The following ZNF404 variants were observed in gnomAD, a reference collection of about 807,000 sequenced individuals.
ZNF404 encodes zinc finger protein 404.
Under a neutral mutation model 7.3 loss-of-function variants are expected in ZNF404, and 7 were observed. The ratio of observed to expected loss-of-function variants is 0.95; its 90% confidence interval spans 0.54 to 1.79. The LOEUF (loss-of-function observed/expected upper bound fraction) is 1.79. ZNF404 is among the 40% of genes most tolerant of loss of function. ZNF404 has a pLI of 0.00. For missense variants in ZNF404, 560 were observed against 661.5 expected, an observed-to-expected ratio of 0.85 and a Z score of 1.68; for synonymous variants, 191 against 209.9, an observed-to-expected ratio of 0.91 and a Z score of 0.78.
chr19:43,881,228 T>C (rs1971892765), intron 1 of ZNF404, among the ~76,000 whole-genome samples: 1 of 152,210 alleles, frequency 6.6e-6, no homozygotes, highest in Non-Finnish European at 1.5e-5. Flanking sequence ...CTAGCGGTTC[T>C]AGCCAGTGCA....
chr19:43,876,945 C>T (rs1283027429), intron 2 of ZNF404, among the ~76,000 whole-genome samples: 1 of 152,146 alleles, frequency 6.6e-6, no homozygotes, highest in Non-Finnish European at 1.5e-5. Context: ...GACAAAGAAA[C>T]TGTCACAGGT....
At chr19:43,879,557 A>G (rs1416230069) in intron 2 of ZNF404, among the ~76,000 whole-genome samples, 1 of 152,240 alleles carries the variant, frequency 6.6e-6, no homozygotes, top group Admixed American at 6.5e-5. Flanking sequence ...ACAGTAAAAA[A>G]GAGAATAATC....
chr19:43,873,626 A>G lies in ZNF404; in HGVS notation c.588T>C (p.Phe196=). 6.2e-7 allele frequency: 1 copy of G among 1,613,446 alleles called. No individual in the cohort carries two copies. Among genetic ancestry groups the G allele is most frequent in the Non-Finnish European group, 8.5e-7 (1 of 1,179,636 alleles). Residue 196 remains phenylalanine (F), a synonymous_variant, in exon 3 of 3, where the codon TTT becomes TTC. Coordinates refer to ENST00000587539, the MANE Select transcript of ZNF404 (RefSeq NM_001033719.3). ...PYECNGCEKA[F]RFYSQLIQHQ... is the part of the protein sequence containing the mutation. ...GCTGAATAAGCTGTGAATAAAACCT[A>G]AAGGCCTTCTCACATCCATTGCATT...
At chr19:43,875,273 T>C (rs560591282) in intron 2 of ZNF404, among the ~76,000 whole-genome samples, 1 of 152,298 alleles carries the variant, frequency 6.6e-6, no homozygotes, top group African/African-American at 2.4e-5. Flanking sequence ...GCATTAATTT[T>C]TACTGTAATG....
Position 43,873,545 on chromosome 19 carries a change from A to T in ZNF404, c.669T>A (p.Ala223=). ...CTGTAAGGTGAGAATGACGTCTAAA[A>T]GCCTTCCCGCATTGCTTACATTCAT... ...KPYECKQCGK[A]FRRHSHLTEH... The change falls in exon 3 of 3, where the codon GCT becomes GCA. Residue 223 remains alanine, a synonymous_variant. Coordinates refer to ENST00000587539, the MANE Select transcript of ZNF404 (RefSeq NM_001033719.3). 6.2e-7 allele frequency: 1 copy of T among 1,613,426 alleles called. No individual in the cohort carries two copies. Among genetic ancestry groups the T allele is most frequent in the Non-Finnish European group, 8.5e-7 (1 of 1,179,572 alleles).
Position 43,873,041 on chromosome 19 carries a change from A to T in ZNF404, c.1173T>A (p.Thr391=). 6.2e-7 allele frequency: 1 copy of T among 1,608,802 alleles called. No homozygotes were observed. Among genetic ancestry groups the T allele is most frequent in the Non-Finnish European group, 8.5e-7 (1 of 1,176,952 alleles). Residue 391 remains threonine, a synonymous_variant, in exon 3 of 3, where the codon ACT becomes ACA. Transcript: ENST00000587539. ...GAATAAGATATGAATGAAGCTTAAAAGTCTTCCCACATTCTTTACATTCAT... is the reference window on the plus strand; with the variant it reads ...GAATAAGATATGAATGAAGCTTAAATGTCTTCCCACATTCTTTACATTCAT... ...KPHECKECGK[T]FKLHSYLIQH...
At chr19:43,875,367 T>C (rs1971844609) in intron 2 of ZNF404, among the ~76,000 whole-genome samples, 1 of 152,202 alleles carries the variant, frequency 6.6e-6, no homozygotes, top group African/African-American at 2.4e-5. Context: ...ACATTTTCAA[T>C]CTGTTGTGTT....
intron 1 of ZNF404, among the ~76,000 whole-genome samples, chr19:43,880,661 T>C (rs1391441892): frequency 2.0e-5 from 3 of 152,002 alleles, no homozygotes; most frequent in Non-Finnish European, 2.9e-5. Context: ...ACAGAAAACA[T>C]TGCGCAATGA....
intron 2 of ZNF404, among the ~76,000 whole-genome samples, chr19:43,879,511 G>C (rs1239438208): frequency 6.6e-6 from 1 of 152,048 alleles, no homozygotes; most frequent in Non-Finnish European, 1.5e-5. Context: ...CAGATCACTG[G>C]AAGCCAACAG....
chr19:43,878,215 C>G (rs1422611058), intron 2 of ZNF404, among the ~76,000 whole-genome samples: 1 of 133,750 alleles, frequency 7.5e-6, no homozygotes, highest in Non-Finnish European at 1.6e-5. Context: ...TAAAAGTGTT[C>G]CTATTTCTCC....
chr19:43,880,750 G>C (rs1971888768), intron 1 of ZNF404, among the ~76,000 whole-genome samples: 2 of 152,160 alleles, frequency 1.3e-5, no homozygotes, highest in African/African-American at 4.8e-5. Context: ...TCTAGGCTGT[G>C]GCACAGGGAG....
chr19:43,872,537 T>C lies in ZNF404; in HGVS notation c.*18A>G. On this transcript the variant is annotated 3_prime_UTR_variant, in exon 3 of 3. Transcript: ENST00000587539. This position sits in a 1 kb window ranked among gnomAD's most constrained non-coding sequence, Gnocchi z 4.4. ...GACAACAGTAAAAATGTGCCATGGC[T>C]AAAGGCTTTCCCTCTCATTACATTA... The C allele has an allele frequency of 6.4e-7, 1 of 1,556,380 alleles. No individual in the cohort carries two copies. Among genetic ancestry groups the C allele is most frequent in the Non-Finnish European group, 8.7e-7 (1 of 1,151,548 alleles).
chr19:43,878,642 G>C (rs923400042), intron 2 of ZNF404, among the ~76,000 whole-genome samples: 1 of 152,164 alleles, frequency 6.6e-6, no homozygotes, highest in Non-Finnish European at 1.5e-5. Flanking sequence ...ATAGGGGTAG[G>C]CAGAACAATA....
rs751001950 is a variant in ZNF404 at position 43,873,875 on chromosome 19, T to C, written c.339A>G (p.Lys113=). ...TATGTAGAGGAAGGGATTTATGTTT[T>C]TTGAATATCATTTGACTAAAACATC... ...KVGCFSQMIF[K]KHKSLPLHKR... is the part of the protein sequence containing the mutation. Residue 113 remains lysine, a synonymous_variant, in exon 3 of 3, where the codon AAA becomes AAG. Coordinates refer to ENST00000587539, the MANE Select transcript of ZNF404 (RefSeq NM_001033719.3). The C allele has an allele frequency of 6.2e-7, 1 of 1,613,008 alleles. No homozygotes were observed. The highest frequency in any genetic ancestry group is 1.7e-4 in the Middle Eastern group (1 of 6,046).
At chr19:43,874,290 A>G (rs1971836668) in intron 2 of ZNF404, among the ~76,000 whole-genome samples, 1 of 152,154 alleles carries the variant, frequency 6.6e-6, no homozygotes, top group Non-Finnish European at 1.5e-5. Flanking sequence ...ATTTATGAGT[A>G]GGCAAAGACA....
intron 2 of ZNF404, among the ~76,000 whole-genome samples, chr19:43,879,668 G>C (rs933632190): frequency 1.3e-5 from 2 of 152,188 alleles, no homozygotes; most frequent in African/African-American, 4.8e-5. Flanking sequence ...AGTATTTACA[G>C]ACATTCTGAA....
At position 43,873,310 on chromosome 19, in the gene ZNF404, C is replaced by T. The variant is rs781761500; in HGVS notation, c.904G>A (p.Glu302Lys). ...CGAACAAAGGCCTTTTCACATTGTTCACATTTATATGGTTTCTCACCAGAA... is the reference window on the plus strand; with the variant it reads ...CGAACAAAGGCCTTTTCACATTGTTTACATTTATATGGTTTCTCACCAGAA... The part of the protein sequence containing the change: ...IHSGEKPYKC[E>K]QCEKAFVRSY... Residue 302 changes from glutamate (E) to lysine (K), a missense_variant, in exon 3 of 3, where the codon GAA becomes AAA. Physicochemically the swap from Glu to Lys is moderately conservative, Grantham distance 56. Coordinates refer to ENST00000587539, the MANE Select transcript of ZNF404 (RefSeq NM_001033719.3). 3 of 1,613,244 alleles carry T rather than the reference C, an allele frequency of 1.9e-6. No individual in the cohort carries two copies. Among genetic ancestry groups the T allele is most frequent in the Non-Finnish European group, 2.5e-6 (3 of 1,179,622 alleles).
chr19:43,873,601 G>A lies in ZNF404; in HGVS notation c.613C>T (p.His205Tyr). 6.2e-7 allele frequency: 1 copy of A among 1,613,514 alleles called. No homozygotes were observed. The highest frequency in any genetic ancestry group is 2.2e-5 in the East Asian group (1 of 44,864). Residue 205 changes from histidine (H) to tyrosine (Y), a missense_variant, in exon 3 of 3, where the codon CAT becomes TAT. Transcript: ENST00000587539. ...TTCATACCAGTATGAATTATCTGAT[G>A]CTGAATAAGCTGTGAATAAAACCTA... ...AFRFYSQLIQHQIIHTGMKPY... is the reference protein window; with the variant it reads ...AFRFYSQLIQYQIIHTGMKPY...
At chr19:43,882,093 C>A (rs1389854613) in intron 1 of ZNF404, among the ~76,000 whole-genome samples, 1 of 152,034 alleles carries the variant, frequency 6.6e-6, no homozygotes, top group African/African-American at 2.4e-5. Context: ...GGAGGATCAA[C>A]CCTACTAATT....
Sources: gnomAD v4.1 joint callset for allele counts (sites outside exome capture counted in the v4.1 genomes callset) on GRCh38, gnomAD v4.1.1 for gene constraint, Gnocchi (gnomAD v3.1) non-coding constraint, MANE v1.5 for transcripts, NCBI Gene and HGNC (gene_info 2026-07-23, HGNC 2026-07-21) for gene names.